The following C8orf34 variants were observed in gnomAD, a reference collection of about 807,000 sequenced individuals.
C8orf34 encodes the protein chromosome 8 open reading frame 34, also known as uncharacterized protein C8orf34.
Under a neutral mutation model 68.3 loss-of-function variants are expected in C8orf34, and 65 were observed. The observed-to-expected ratio is 0.95, with a 90% confidence interval of 0.78 to 1.17. The LOEUF is 1.17. Among genes scored for constraint, C8orf34 ranks in the 50% most tolerant of loss-of-function variants. The pLI is 0.00. For missense variants in C8orf34, 664 were observed against 655.4 expected, an observed-to-expected ratio of 1.01 and a Z score of -0.14; for synonymous variants, 244 against 241.2, an observed-to-expected ratio of 1.01 and a Z score of -0.11.
intron 10 of C8orf34, among the ~76,000 whole-genome samples, chr8:68,726,797 G>C (rs1188660897): frequency 2.0e-5 from 3 of 152,120 alleles, no homozygotes; most frequent in Non-Finnish European, 4.4e-5. Context: ...CATGAGACTT[G>C]TTCACTATCA....
In C8orf34 at chr8:68,446,386, CAAAGAA is replaced by C. The variant is rs1296285382; in HGVS notation, c.534_539del (p.Lys179_Lys180del). 2.5e-6 allele frequency: 4 copies of C among 1,612,094 alleles called. No individual in the cohort carries two copies. Among genetic ancestry groups the C allele is most frequent in the Non-Finnish European group, 3.4e-6 (4 of 1,179,194 alleles). ...TATGATAAACCTTGGCAATTAAATG[CAAAGAA>C]GCCTAAAAAATCAAAAAGTGACCTT... On this transcript the variant is annotated inframe_deletion, in exon 3 of 14. Transcript: ENST00000518698.
intron 2 of C8orf34, among the ~76,000 whole-genome samples, chr8:68,441,355 C>A: frequency 6.6e-6 from 1 of 152,202 alleles, no homozygotes; most frequent in East Asian, 1.9e-4. Context: ...CAGCCAGGAG[C>A]TACTCTCATC....
chr8:68,491,584 C>A (rs983178860), intron 5 of C8orf34, among the ~76,000 whole-genome samples: 1 of 152,192 alleles, frequency 6.6e-6, no homozygotes, highest in African/African-American at 2.4e-5. Context: ...CAGCCAGGAA[C>A]AACTCTCCCT....
intron 7 of C8orf34, among the ~76,000 whole-genome samples, chr8:68,571,646 A>G (rs1816762188): frequency 6.6e-6 from 1 of 152,196 alleles, no homozygotes; most frequent in Non-Finnish European, 1.5e-5. Context: ...AAGCTTATAT[A>G]TTATGGCTTA....
chr8:68,564,614 G>A (rs1335022742), intron 7 of C8orf34, among the ~76,000 whole-genome samples: 1 of 152,170 alleles, frequency 6.6e-6, no homozygotes, highest in African/African-American at 2.4e-5. Context: ...ATCCGGGGTG[G>A]CAGCAACTTT....
chr8:68,745,191 T>C (rs1223687031), intron 10 of C8orf34, among the ~76,000 whole-genome samples: 1 of 151,910 alleles, frequency 6.6e-6, no homozygotes, highest in East Asian at 1.9e-4. Flanking sequence ...TGCTGAAAGA[T>C]TTTGTCACCA....
chr8:68,332,354 C>T (rs1417394325), intron 1 of C8orf34, among the ~76,000 whole-genome samples: 1 of 150,232 alleles, frequency 6.7e-6, no homozygotes, highest in African/African-American at 2.5e-5. Flanking sequence ...GAGGTGCTCC[C>T]GCCTTGCCCC....
intron 7 of C8orf34, among the ~76,000 whole-genome samples, chr8:68,596,749 A>G (rs1817557289): frequency 6.6e-6 from 1 of 152,126 alleles, no homozygotes; most frequent in Admixed American, 6.6e-5. Flanking sequence ...TCATGGAGGT[A>G]GACATTATCT....
At chr8:68,349,492 AATAGGTTGGGG>A (rs1027959817) in intron 1 of C8orf34, among the ~76,000 whole-genome samples, 1 of 134,472 alleles carries the variant, frequency 7.4e-6, no homozygotes. Flanking sequence ...AACCTCATAT[AATAGGTTGGGG>A]AGGACTCTCT....
At chr8:68,362,201 A>C (rs1807031464) in intron 1 of C8orf34, among the ~76,000 whole-genome samples, 1 of 152,212 alleles carries the variant, frequency 6.6e-6, no homozygotes. Context: ...CTTTCTTATA[A>C]AGATTATAAA....
At chr8:68,461,779 C>G (rs1458684997) in intron 3 of C8orf34, among the ~76,000 whole-genome samples, 1 of 152,150 alleles carries the variant, frequency 6.6e-6, no homozygotes, top group Non-Finnish European at 1.5e-5. Flanking sequence ...CCTACAAGAG[C>G]TCCTGAAGGA....
intron 1 of C8orf34, among the ~76,000 whole-genome samples, chr8:68,419,857 T>C (rs1171268431): frequency 7.0e-6 from 1 of 143,130 alleles, no homozygotes; most frequent in Non-Finnish European, 1.5e-5. Context: ...AGGGATGGCA[T>C]TGGGAGATAT....
At chr8:68,366,598 C>A (rs1251318248) in intron 1 of C8orf34, among the ~76,000 whole-genome samples, 2 of 151,364 alleles carry the variant, frequency 1.3e-5, no homozygotes, top group Non-Finnish European at 2.9e-5. Context: ...ACACCGCATA[C>A]CTACAACTGT....
chr8:68,534,182 G>A (rs1291859818), intron 7 of C8orf34: 1 of 985,262 alleles, frequency 1.0e-6, no homozygotes. Context: ...ATGGTGACAG[G>A]TTTGAAAGAT....
At chr8:68,815,865 T>G (rs749993625) in intron 12 of C8orf34, 21 bp from the exon 13 acceptor site, 1 of 1,613,634 alleles carries the variant, frequency 6.2e-7, no homozygotes, top group Non-Finnish European at 8.5e-7. Context: ...GCATATTATC[T>G]CTGTTTCTTT....
chr8:68,462,548 T>A (rs1433268084), intron 3 of C8orf34, among the ~76,000 whole-genome samples: 1 of 151,088 alleles, frequency 6.6e-6, no homozygotes, highest in Non-Finnish European at 1.5e-5. Flanking sequence ...GAAGTAAAGC[T>A]CTCCTCAGCA....
intron 7 of C8orf34, among the ~76,000 whole-genome samples, chr8:68,604,340 T>C (rs1817790646): frequency 6.6e-6 from 1 of 151,608 alleles, no homozygotes; most frequent in South Asian, 2.1e-4. Flanking sequence ...TTTAATAACA[T>C]TTTAAAATAA....
intron 7 of C8orf34, among the ~76,000 whole-genome samples, chr8:68,611,892 T>C (rs193277318): frequency 2.2e-4 from 33 of 152,278 alleles, no homozygotes; most frequent in South Asian, 2.1e-4. Context: ...TGAAATCTTG[T>C]ACCTCAGTGA....
chr8:68,763,872 ACTAGCC>A (rs1563655573), intron 10 of C8orf34, among the ~76,000 whole-genome samples: 1 of 152,200 alleles, frequency 6.6e-6, no homozygotes, highest in Non-Finnish European at 1.5e-5. Context: ...GTTGCCTTAG[ACTAGCC>A]CAAGGCTGTA....
Sources: gnomAD v4.1 joint callset for allele counts (sites outside exome capture counted in the v4.1 genomes callset) on GRCh38, gnomAD v4.1.1 for gene constraint, MANE v1.5 for transcripts, NCBI Gene and HGNC (gene_info 2026-07-23, HGNC 2026-07-21) for gene names.